The following RSF1 variants were observed in gnomAD, a reference collection of about 807,000 sequenced individuals.
The protein encoded by RSF1 is HBV pX-associated protein 8.
RSF1 carries 13 observed loss-of-function variants against 145.2 expected under a neutral mutation model. The observed-to-expected ratio is 0.09, with a 90% CI of 0.06 to 0.14. The LOEUF (loss-of-function observed/expected upper bound fraction) is 0.14. RSF1 is among the 10% of genes least tolerant of loss of function. The pLI, the probability that RSF1 is intolerant of heterozygous loss-of-function variation, is 1.00. For missense variants in RSF1, 1,517 were observed against 1,718.2 expected (o/e 0.88, Z 2.07); for synonymous variants, 577 against 592.6 (o/e 0.97, Z 0.38).
the RSF1 span, among the ~76,000 whole-genome samples, chr11:77,860,489 A>C: frequency 3.3e-5 from 5 of 152,222 alleles, no homozygotes; most frequent in African/African-American, 1.2e-4. Flanking sequence ...TTTGGTTTGG[A>C]AACCTGGTAG....
intron 4 of RSF1, among the ~76,000 whole-genome samples, chr11:77,733,752 G>A (rs571315399): frequency 1.2e-4 from 18 of 152,160 alleles, no homozygotes; most frequent in African/African-American, 4.3e-4. Context: ...TGTAGAGACA[G>A]GGTTTCATCA....
chr11:77,686,493 CTCTG>C (rs1370622141), intron 9 of RSF1, among the ~76,000 whole-genome samples: 2 of 150,142 alleles, frequency 1.3e-5, no homozygotes, highest in African/African-American at 4.9e-5. Flanking sequence ...TCTGACATGC[CTCTG>C]TATGTTAAAT....
chr11:77,696,428 T>A (rs1182231947), intron 7 of RSF1, among the ~76,000 whole-genome samples: 2 of 152,226 alleles, frequency 1.3e-5, no homozygotes, highest in African/African-American at 4.8e-5. Flanking sequence ...CATATTCTTA[T>A]GATTTAACAT....
At chr11:77,744,826 G>C (rs902474983) in intron 3 of RSF1, among the ~76,000 whole-genome samples, 1 of 152,138 alleles carries the variant, frequency 6.6e-6, no homozygotes, top group African/African-American at 2.4e-5. Flanking sequence ...AAATTAGTCT[G>C]GAAGTATTTT....
chr11:77,668,854 T>C (rs1333287815), intron 15 of RSF1, among the ~76,000 whole-genome samples: 5 of 152,212 alleles, frequency 3.3e-5, no homozygotes, highest in Non-Finnish European at 7.3e-5. Context: ...AAGATGACTC[T>C]ACTTCCATTT....
At chr11:77,849,583 T>G in the RSF1 span, among the ~76,000 whole-genome samples, 1 of 152,228 alleles carries the variant, frequency 6.6e-6, no homozygotes, top group Non-Finnish European at 1.5e-5. Context: ...TGGTTCAAAC[T>G]CCTGGGCTCA....
At position 77,702,172 on chromosome 11, in the gene RSF1, A is replaced by C; in HGVS notation, c.1057T>G (p.Phe353Val). 1 of 1,614,076 alleles carries C rather than the reference A, an allele frequency of 6.2e-7. No individual in the cohort carries two copies. Among genetic ancestry groups the C allele is most frequent in the African/African-American group, 1.3e-5 (1 of 75,044 alleles). ...TGAGAAGATTTAATATTGCCACCAA[A>C]TTCGATCCTTTCAGGCTCCTGTGCC... ...PVAQEPERIE[F>V]GGNIKSSHEI... Residue 353 changes from phenylalanine (F) to valine (V), a missense_variant, in exon 6 of 16, where the codon TTT (phenylalanine) becomes GTT (valine). By Grantham distance (50) the Phe-to-Val change is conservative. Transcript: ENST00000308488.
rs764736070 is a variant in RSF1 at position 77,740,948 on chromosome 11, T to C, written c.373-12A>G. ...CACTCACAGAGGTACTGAAAAATAG[T>C]CATAACATGACTTAAAATACCTCAC... On this transcript the variant is annotated splice_polypyrimidine_tract_variant and intron_variant, in intron 3 of 15. Coordinates refer to ENST00000308488, the MANE Select transcript of RSF1 (RefSeq NM_016578.4). 3 of 1,587,276 alleles carry C rather than the reference T, an allele frequency of 1.9e-6. No individual in the cohort carries two copies. The highest frequency in any genetic ancestry group is 2.7e-5 in the African/African-American group (2 of 74,406).
the RSF1 span, among the ~76,000 whole-genome samples, chr11:77,851,822 A>G: frequency 6.6e-6 from 1 of 152,152 alleles, no homozygotes; most frequent in African/African-American, 2.4e-5. Context: ...CTGTGAAGCA[A>G]TTAAACCTCT....
At chr11:77,789,675 T>C (rs1395368088) in intron 1 of RSF1, among the ~76,000 whole-genome samples, 3 of 152,152 alleles carry the variant, frequency 2.0e-5, no homozygotes, top group African/African-American at 7.2e-5. Flanking sequence ...TCCCTGATGG[T>C]CCCCAAGTCA....
intron 2 of RSF1, among the ~76,000 whole-genome samples, chr11:77,751,695 T>G (rs1303876142): frequency 1.3e-5 from 2 of 152,140 alleles, no homozygotes; most frequent in African/African-American, 4.8e-5. Flanking sequence ...CTTTTTAAAT[T>G]TTTCACTTCC....
At chr11:77,771,161 AG>A (rs1948281524) in intron 1 of RSF1, among the ~76,000 whole-genome samples, 1 of 152,238 alleles carries the variant, frequency 6.6e-6, no homozygotes. Flanking sequence ...ACAGTACTTA[AG>A]GGGGAAGAAC....
chr11:77,742,729 A>G (rs1174257035), intron 3 of RSF1, among the ~76,000 whole-genome samples: 1 of 152,194 alleles, frequency 6.6e-6, no homozygotes, highest in African/African-American at 2.4e-5. Context: ...GCATTTATTC[A>G]TATTATCTGT....
Position 77,766,083 on chromosome 11 carries a change from A to G in RSF1, c.188-1394T>C, listed in dbSNP as rs543632673. ...AAATATTTGTAACCTAAGAGAAATT[A>G]CAGTATACTACCTAAAAAGATCCCA... On this transcript the variant is annotated intron_variant, in intron 1 of 15. Coordinates refer to ENST00000308488, the MANE Select transcript of RSF1 (RefSeq NM_016578.4). Among the ~76,000 whole-genome samples, 3 of 152,274 alleles carry G rather than the reference A, an allele frequency of 2.0e-5. No homozygotes were observed. In the South Asian group the frequency reaches 6.2e-4, roughly 32 times the overall value.
chr11:77,757,896 A>C (rs1948131623), intron 2 of RSF1, among the ~76,000 whole-genome samples: 1 of 152,134 alleles, frequency 6.6e-6, no homozygotes, highest in Non-Finnish European at 1.5e-5. Flanking sequence ...AGCACTCTGG[A>C]AGGCTGGGAG....
rs1959320413 is a variant in RSF1 at position 77,664,750 on chromosome 11, G to A, written c.*2167C>T. The A allele has an allele frequency of 6.6e-6, 1 of 152,170 alleles. No homozygotes were observed. Among genetic ancestry groups the A allele is most frequent in the Non-Finnish European group, 1.5e-5 (1 of 68,034 alleles). The allele number at this position is 152,170 out of a possible 1,614,324, so 9.4% of individuals were successfully genotyped here. ...ATCTTTATATTGCTTGCCTGTTTTA[G>A]ATGGTTTAAAAGGTTAATTCTTAGC... On this transcript the variant is annotated 3_prime_UTR_variant, in exon 16 of 16. Transcript: ENST00000308488.
chr11:77,814,681 G>A (rs1408740742), intron 1 of RSF1, among the ~76,000 whole-genome samples: 1 of 152,144 alleles, frequency 6.6e-6, no homozygotes, highest in Non-Finnish European at 1.5e-5. Context: ...CCTGACCTCA[G>A]GTGATCCGCC....
chr11:77,695,493 A>G (rs1960258571), intron 7 of RSF1, among the ~76,000 whole-genome samples: 1 of 152,094 alleles, frequency 6.6e-6, no homozygotes, highest in Admixed American at 6.6e-5. Context: ...CAAAGCTATC[A>G]TTATTTAATT....
chr11:77,780,824 CA>C (rs33925149), intron 1 of RSF1, among the ~76,000 whole-genome samples: 4,167 of 127,816 alleles, frequency 0.033, 175 homozygotes, highest in African/African-American at 0.11. Context: ...GACTCCGTCT[CA>C]AAAAAAAAAA....
Sources: allele counts gnomAD v4.1 joint callset (sites outside exome capture counted in the v4.1 genomes callset), GRCh38; gene constraint gnomAD v4.1.1; transcripts MANE v1.5; gene names NCBI Gene and HGNC (gene_info 2026-07-23, HGNC 2026-07-21).